The following TMEFF1 variants were observed in gnomAD, a reference collection of about 807,000 sequenced individuals.
TMEFF1 encodes the protein tomoregulin-1.
A neutral mutation model predicts 47.5 loss-of-function variants in TMEFF1; 20 were observed. That is an observed-to-expected ratio of 0.42 (90% confidence interval 0.30 to 0.61). TMEFF1 has a LOEUF of 0.61. Among genes scored for constraint, TMEFF1 ranks in the 20% least tolerant of loss-of-function variants. TMEFF1 has a pLI of 0.19. For synonymous variants in TMEFF1, 162 were observed against 166.3 expected (o/e 0.97, Z 0.20); for missense variants, 411 against 471.1 (o/e 0.87, Z 1.18).
chr9:100,473,263 G>C lies in TMEFF1; in HGVS notation c.-282G>C, dbSNP rs1837150099. 6.7e-6 allele frequency: 1 copy of C among 149,312 alleles called. No homozygotes were observed. The highest frequency in any genetic ancestry group is 2.4e-5 in the African/African-American group (1 of 41,044). 9.2% of individuals were successfully genotyped at this position (149,312 alleles called of 1,614,324 possible). A position where few individuals can be genotyped will look rare whatever the true frequency, so the allele number is the denominator to read the frequency against. Reference sequence around the variant, plus strand: ...CCGCCCGCCGCGCGCGCGCCCGCCCGCTCCCCTCGCCGCGGTGTCCCCCAC... The same window carrying C: ...CCGCCCGCCGCGCGCGCGCCCGCCCCCTCCCCTCGCCGCGGTGTCCCCCAC... On this transcript the variant is annotated 5_prime_UTR_variant, in exon 1 of 10. Transcript: ENST00000374879. The surrounding 1 kb of genome is among the most constrained non-coding windows in gnomAD (Gnocchi z 5.4).
At chr9:100,515,016 A>T (rs1173784882) in intron 4 of TMEFF1, among the ~76,000 whole-genome samples, 6 of 151,832 alleles carry the variant, frequency 4.0e-5, no homozygotes, top group Non-Finnish European at 8.8e-5. Flanking sequence ...AAATAAAAAA[A>T]TTTAAAAAAG....
chr9:100,513,811 C>T (rs1838012146), intron 4 of TMEFF1, among the ~76,000 whole-genome samples: 1 of 152,136 alleles, frequency 6.6e-6, no homozygotes, highest in South Asian at 2.1e-4. Flanking sequence ...TTTCATGGTA[C>T]AGGGTTAAAA....
At chr9:100,490,836 GGTGTGT>G (rs10654628) in intron 1 of TMEFF1, among the ~76,000 whole-genome samples, 203 of 136,144 alleles carry the variant, frequency 1.5e-3, no homozygotes, top group South Asian at 4.0e-3. Context: ...TTATATGTAT[GGTGTGT>G]GTGTGTGTGT....
At chr9:100,543,802 C>A (rs1291919984) in intron 5 of TMEFF1, among the ~76,000 whole-genome samples, 1 of 151,344 alleles carries the variant, frequency 6.6e-6, no homozygotes, top group Non-Finnish European at 1.5e-5. Flanking sequence ...GCATTCAAAG[C>A]CATCCTGGGC....
chr9:100,515,809 A>G (rs1222052033), intron 4 of TMEFF1, among the ~76,000 whole-genome samples: 1 of 151,750 alleles, frequency 6.6e-6, no homozygotes, highest in African/African-American at 2.4e-5. Flanking sequence ...AAAACAAACA[A>G]ACAAAAAAAA....
At chr9:100,529,757 C>G (rs1025368441) in intron 5 of TMEFF1, among the ~76,000 whole-genome samples, 1 of 152,178 alleles carries the variant, frequency 6.6e-6, no homozygotes, top group African/African-American at 2.4e-5. Flanking sequence ...TAGACATCTA[C>G]AGAACTCTCC....
At chr9:100,488,873 A>G (rs549740107) in intron 1 of TMEFF1, among the ~76,000 whole-genome samples, 2 of 152,342 alleles carry the variant, frequency 1.3e-5, no homozygotes, top group African/African-American at 2.4e-5. Flanking sequence ...TTTAAGCAGC[A>G]TGATTTATAT....
chr9:100,476,787 C>T (rs917211484), intron 1 of TMEFF1, among the ~76,000 whole-genome samples: 5 of 150,954 alleles, frequency 3.3e-5, no homozygotes, highest in Non-Finnish European at 7.4e-5. Flanking sequence ...AGCTCCGCCT[C>T]CCGGGTTCGC....
chr9:100,536,007 T>C (rs1057480101), intron 5 of TMEFF1, among the ~76,000 whole-genome samples: 7 of 152,208 alleles, frequency 4.6e-5, no homozygotes, highest in Non-Finnish European at 8.8e-5. Context: ...ATATTTAATA[T>C]AGTAATTTGG....
At chr9:100,562,078 G>A (rs1343572853) in intron 8 of TMEFF1, among the ~76,000 whole-genome samples, 1 of 152,064 alleles carries the variant, frequency 6.6e-6, no homozygotes, top group Non-Finnish European at 1.5e-5. Flanking sequence ...CCTACCTGAT[G>A]ATCTTAGTGT....
intron 3 of TMEFF1, 51 bp downstream of exon 3, chr9:100,509,185 T>C (rs1236170211): frequency 7.0e-7 from 1 of 1,425,818 alleles, no homozygotes; most frequent in Non-Finnish European, 9.2e-7. Flanking sequence ...GTGGAATCAT[T>C]TCTAAAAGGG....
chr9:100,474,375 C>T (rs1198470806), intron 1 of TMEFF1, among the ~76,000 whole-genome samples: 1 of 151,460 alleles, frequency 6.6e-6, no homozygotes, highest in Admixed American at 6.6e-5. Context: ...GAGATGGGAT[C>T]TGGGGGCTTA....
At chr9:100,474,345 G>A (rs1167725532) in intron 1 of TMEFF1, among the ~76,000 whole-genome samples, 1 of 152,022 alleles carries the variant, frequency 6.6e-6, no homozygotes, top group Non-Finnish European at 1.5e-5. Flanking sequence ...GCGCGCGCGC[G>A]TGTGTGTTCT....
chr9:100,533,100 A>T (rs1333386924), intron 5 of TMEFF1, among the ~76,000 whole-genome samples: 2 of 65,316 alleles, frequency 3.1e-5, no homozygotes, highest in African/African-American at 6.3e-5. Flanking sequence ...GGGTGGGGGG[A>T]GGGGGGAGGG....
intron 7 of TMEFF1, among the ~76,000 whole-genome samples, chr9:100,550,549 C>A (rs544277038): frequency 6.6e-6 from 1 of 152,272 alleles, no homozygotes; most frequent in Non-Finnish European, 1.5e-5. Flanking sequence ...ATTTCCTTTC[C>A]TGATTAATTC....
intron 9 of TMEFF1, among the ~76,000 whole-genome samples, chr9:100,574,969 C>T (rs181024583): frequency 6.6e-6 from 1 of 152,312 alleles, no homozygotes; most frequent in African/African-American, 2.4e-5. Context: ...GTATTTCTAA[C>T]TATGTCACAG....
At chr9:100,537,671 C>T (rs528335740) in intron 5 of TMEFF1, among the ~76,000 whole-genome samples, 67 of 152,274 alleles carry the variant, frequency 4.4e-4, no homozygotes, top group Middle Eastern at 3.4e-3. Flanking sequence ...TTCAGCATGG[C>T]ATTCTTTCAA....
intron 4 of TMEFF1, among the ~76,000 whole-genome samples, chr9:100,514,730 C>T (rs1021871227): frequency 2.0e-5 from 3 of 151,370 alleles, no homozygotes; most frequent in African/African-American, 7.3e-5. Context: ...CACAGTGGCT[C>T]ATGCCTGTAA....
At chr9:100,523,137 A>T (rs1320335597) in intron 5 of TMEFF1, among the ~76,000 whole-genome samples, 1 of 152,196 alleles carries the variant, frequency 6.6e-6, no homozygotes, top group Non-Finnish European at 1.5e-5. Context: ...CAATTTTCTG[A>T]ATGCACTGTT....
Sources: gnomAD v4.1 joint callset for allele counts (sites outside exome capture counted in the v4.1 genomes callset) on GRCh38, gnomAD v4.1.1 for gene constraint, Gnocchi (gnomAD v3.1) non-coding constraint, MANE v1.5 for transcripts, NCBI Gene and HGNC (gene_info 2026-07-23, HGNC 2026-07-21) for gene names.